Variants in DAD1 observed in about 807,000 individuals in gnomAD.
The protein encoded by DAD1 is defender against cell death 1.
A neutral mutation model predicts 9.0 loss-of-function variants in DAD1; 4 were observed. The ratio of observed to expected loss-of-function variants is 0.44; its 90% CI spans 0.22 to 1.01. The LOEUF (loss-of-function observed/expected upper bound fraction) is 1.01, where lower values mean the gene tolerates loss of function less well. Among genes scored for constraint, DAD1 ranks in the 50% least tolerant of loss-of-function variants. The pLI is 0.24. For synonymous variants in DAD1, 60 were observed against 62.5 expected (o/e 0.96, Z 0.19); for missense variants, 119 against 137.3 (o/e 0.87, Z 0.67).
At chr14:22,584,082 TTGTCTGTATTTCCCACTAATTACAA>T (rs1370716492) in intron 1 of DAD1, among the ~76,000 whole-genome samples, 1 of 152,118 alleles carries the variant, frequency 6.6e-6, no homozygotes, top group Admixed American at 6.6e-5. Context: ...CCATATTTAC[TTGTCTGTATTTCCCACTAATTACAA>T]ACTCTGTGAG....
intron 1 of DAD1, among the ~76,000 whole-genome samples, chr14:22,586,017 T>C (rs2037149644): frequency 6.6e-6 from 1 of 151,590 alleles, no homozygotes; most frequent in Non-Finnish European, 1.5e-5. Context: ...CCATCCTGGC[T>C]AACACGATGA....
chr14:22,585,757 C>T (rs2037147292), intron 1 of DAD1, among the ~76,000 whole-genome samples: 1 of 152,108 alleles, frequency 6.6e-6, no homozygotes, highest in South Asian at 2.1e-4. Flanking sequence ...TTAAAATGTA[C>T]TGGTCAATTT....
chr14:22,587,319 G>A (rs1295692991), intron 1 of DAD1, among the ~76,000 whole-genome samples: 1 of 152,184 alleles, frequency 6.6e-6, no homozygotes, highest in African/African-American at 2.4e-5. Context: ...ACCCTGCCTT[G>A]CTCCTACTCT....
chr14:22,581,484 G>A (rs144003369), intron 1 of DAD1, among the ~76,000 whole-genome samples: 4,600 of 152,186 alleles, frequency 0.03, 107 homozygotes, highest in Middle Eastern at 0.061. Context: ...GCTCACACCC[G>A]TAATCCCAGC....
intron 1 of DAD1, among the ~76,000 whole-genome samples, chr14:22,580,560 G>C (rs1167995086): frequency 6.6e-6 from 1 of 152,100 alleles, no homozygotes; most frequent in Non-Finnish European, 1.5e-5. Context: ...ACACGGTGTT[G>C]AGTTTTGAGG....
At chr14:22,576,352 T>G (rs572838023) in intron 1 of DAD1, among the ~76,000 whole-genome samples, 35 of 152,282 alleles carry the variant, frequency 2.3e-4, no homozygotes, top group African/African-American at 8.4e-4. Context: ...ACAAAACCAC[T>G]CAATGGGGAA....
intron 1 of DAD1, among the ~76,000 whole-genome samples, chr14:22,578,555 T>G (rs2037094188): frequency 6.6e-6 from 1 of 152,118 alleles, no homozygotes; most frequent in African/African-American, 2.4e-5. Flanking sequence ...CAAGAGAGAC[T>G]CCGTCTCAAA....
intron 2 of DAD1, among the ~76,000 whole-genome samples, chr14:22,573,566 C>T (rs1009885816): frequency 2.0e-5 from 3 of 151,650 alleles, no homozygotes; most frequent in Non-Finnish European, 2.9e-5. Context: ...AAAAATTAGC[C>T]GGGCGTGGTG....
chr14:22,568,154 TACATCA>T, intron 2 of DAD1, among the ~76,000 whole-genome samples: 1 of 152,166 alleles, frequency 6.6e-6, no homozygotes, highest in Non-Finnish European at 1.5e-5. Context: ...AGGGCCTGGA[TACATCA>T]ACTAAAGTTT....
intron 1 of DAD1, among the ~76,000 whole-genome samples, chr14:22,581,729 G>C (rs1282205989): frequency 2.4e-5 from 2 of 84,920 alleles, no homozygotes; most frequent in Non-Finnish European, 2.1e-5. Context: ...GGCAACAAGA[G>C]CAAAACTCCA....
intron 2 of DAD1, among the ~76,000 whole-genome samples, chr14:22,572,698 G>T (rs568061811): frequency 1.8e-4 from 27 of 152,054 alleles, no homozygotes; most frequent in Non-Finnish European, 3.4e-4. Context: ...AATCATGACA[G>T]CCCTAAGAAA....
intron 1 of DAD1, among the ~76,000 whole-genome samples, chr14:22,575,799 G>A (rs563598376): frequency 2.6e-5 from 4 of 152,156 alleles, no homozygotes; most frequent in South Asian, 2.1e-4. Context: ...CACCTGCCTC[G>A]GCTTCCCAAA....
At chr14:22,585,483 T>G (rs1232223373) in intron 1 of DAD1, among the ~76,000 whole-genome samples, 1 of 152,172 alleles carries the variant, frequency 6.6e-6, no homozygotes. Context: ...AGATAAACAG[T>G]CAGCTACTGG....
intron 1 of DAD1, among the ~76,000 whole-genome samples, chr14:22,586,639 C>A (rs1393844686): frequency 6.6e-6 from 1 of 152,196 alleles, no homozygotes; most frequent in Non-Finnish European, 1.5e-5. Context: ...CCTCTCCCAG[C>A]TCACTGGACT....
rs539746261 is a variant in DAD1, at chr14:22,565,585, A to C, written c.*45-448T>G. On this transcript the variant is annotated intron_variant, in intron 2 of 2. Transcript: ENST00000250498. Reference sequence around the variant, plus strand: ...GGGTAGGGAAGTAAGGATTCAAGAAAGAAAGAAAAATTCCCAATCTCAGCT... The same window carrying C: ...GGGTAGGGAAGTAAGGATTCAAGAACGAAAGAAAAATTCCCAATCTCAGCT... Among the ~76,000 whole-genome samples the C allele has an allele frequency of 1.6e-4, 24 of 152,338 alleles. No homozygotes were observed. In the South Asian group the frequency reaches 4.6e-3, roughly 29 times the overall value.
At chr14:22,572,886 A>C (rs1566370953) in intron 2 of DAD1, among the ~76,000 whole-genome samples, 1 of 152,152 alleles carries the variant, frequency 6.6e-6, no homozygotes, top group East Asian at 1.9e-4. Flanking sequence ...CCCAAGGGTT[A>C]CTCATATTTG....
At chr14:22,585,011 A>G (rs1015295487) in intron 1 of DAD1, among the ~76,000 whole-genome samples, 2 of 152,254 alleles carry the variant, frequency 1.3e-5, no homozygotes, top group African/African-American at 4.8e-5. Flanking sequence ...TATCAGGCAC[A>G]TGGGTGGCAA....
At chr14:22,587,470 G>A (rs1198151201) in intron 1 of DAD1, among the ~76,000 whole-genome samples, 1 of 152,132 alleles carries the variant, frequency 6.6e-6, no homozygotes, top group Non-Finnish European at 1.5e-5. Flanking sequence ...TAGAGCAAAG[G>A]GGTAGTGTAT....
intron 2 of DAD1, among the ~76,000 whole-genome samples, chr14:22,571,307 C>G (rs1321524666): frequency 3.5e-5 from 3 of 86,356 alleles, no homozygotes; most frequent in African/African-American, 8.5e-5. Flanking sequence ...CAGTAAGACT[C>G]TGTCTCAAAA....
Sources: gnomAD v4.1 joint callset for allele counts (sites outside exome capture counted in the v4.1 genomes callset) on GRCh38, gnomAD v4.1.1 for gene constraint, MANE v1.5 for transcripts, NCBI Gene and HGNC (gene_info 2026-07-23, HGNC 2026-07-21) for gene names.